MAP3K19: variants seen among roughly 807,000 people sequenced by gnomAD.
The protein encoded by MAP3K19 is SPS1/STE20-related protein kinase YSK4.
In MAP3K19, 91 loss-of-function variants were observed where a neutral mutation model predicts 114.4. That is an observed-to-expected ratio of 0.80 (90% CI 0.67 to 0.95). The LOEUF is 0.95. Ranked by LOEUF, MAP3K19 falls within the 40% of genes least tolerant of loss-of-function variation. MAP3K19 has a pLI of 0.00. For missense variants in MAP3K19, 1,471 were observed against 1,573.2 expected (o/e 0.94, Z 1.10); for synonymous variants, 518 against 530.5 (o/e 0.98, Z 0.32).
At chr2:135,032,243 G>A (rs183894364) in intron 2 of MAP3K19, among the ~76,000 whole-genome samples, 1 of 151,914 alleles carries the variant, frequency 6.6e-6, no homozygotes, top group Non-Finnish European at 1.5e-5. Flanking sequence ...TGTAATCCCA[G>A]CTATTCGGGA....
At chr2:134,988,336 T>C (rs1355349427) in intron 9 of MAP3K19, 83 bp from the exon 10 acceptor site, 5 of 1,152,408 alleles carry the variant, frequency 4.3e-6, no homozygotes, top group Non-Finnish European at 5.9e-6. Context: ...CTAAAGAGAT[T>C]ATAATATCCT....
At chr2:134,998,636 A>G in intron 8 of MAP3K19, 102 bp downstream of exon 8, 1 of 1,245,460 alleles carries the variant, frequency 8.0e-7, no homozygotes. Context: ...ATTTTCTGGT[A>G]TGTTCACTGC....
At chr2:135,018,763 C>T (rs961551301) in intron 5 of MAP3K19, among the ~76,000 whole-genome samples, 1 of 152,056 alleles carries the variant, frequency 6.6e-6, no homozygotes, top group Non-Finnish European at 1.5e-5. Context: ...ATACGTACCT[C>T]GACCTAAACC....
chr2:135,036,245 G>C (rs536790672), intron 2 of MAP3K19, among the ~76,000 whole-genome samples: 4 of 151,838 alleles, frequency 2.6e-5, no homozygotes, highest in South Asian at 2.1e-4. Flanking sequence ...AGGATTTCTT[G>C]ACCACTTTCT....
chr2:134,985,139 C>T (rs1685003500), intron 10 of MAP3K19, among the ~76,000 whole-genome samples: 1 of 152,236 alleles, frequency 6.6e-6, no homozygotes, highest in Admixed American at 6.5e-5. Flanking sequence ...TTCTTCCCCA[C>T]TCCATGCCAA....
rs1476977963 is a variant in MAP3K19, at chr2:135,004,479, T to G, written c.235+956A>C. On this transcript the variant is annotated intron_variant, in intron 6 of 12. Transcript: ENST00000392915. ...CGGAGGAGACGCTACTCGGGAGAGC[T>G]GCAGCCTTCTGAGAGGTGCGAAGGG... is the stretch of plus-strand genomic sequence containing the variant. Among the ~76,000 whole-genome samples, 4 of 152,300 alleles carry G rather than the reference T, an allele frequency of 2.6e-5. No individual in the cohort carries two copies. The South Asian group carries it at 6.2e-4, about 24-fold the overall frequency.
intron 12 of MAP3K19, among the ~76,000 whole-genome samples, chr2:134,966,200 G>T (rs554123323): frequency 6.6e-6 from 1 of 152,200 alleles, no homozygotes; most frequent in Non-Finnish European, 1.5e-5. Flanking sequence ...GAGGATGCAG[G>T]TATCCCTTAG....
chr2:134,987,165 T>C lies in MAP3K19; in HGVS notation c.1707A>G (p.Ile569Met). ...PIKPTMHKTS[I>M]KTQIFPALGL... The stretch of plus-strand genomic sequence containing the variant: ...CCAAAGCCGGGAAAATTTGTGTTTT[T>C]ATGCTGGTTTTATGCATGGTAGGCT... The change falls in exon 10 of 13, where the codon ATA becomes ATG. Residue 569 changes from isoleucine (I) to methionine (M), a missense_variant. Physicochemically the swap from Ile to Met is conservative, Grantham distance 10. Transcript: ENST00000392915. 1 of 1,614,212 alleles carries C rather than the reference T, an allele frequency of 6.2e-7. No homozygotes were observed. The highest frequency in any genetic ancestry group is 2.2e-5 in the East Asian group (1 of 44,890).
intron 8 of MAP3K19, among the ~76,000 whole-genome samples, chr2:134,995,392 G>A (rs1685913080): frequency 6.6e-6 from 1 of 152,144 alleles, no homozygotes; most frequent in Admixed American, 6.5e-5. Flanking sequence ...ACAGCAAGGA[G>A]GCAAGGGAAT....
At position 134,988,317 on chromosome 2, in the gene MAP3K19, T is replaced by C. The variant is rs75424424; in HGVS notation, c.619-64A>G. ...TATATAAATATCACGCTAACTCGTTTAAAGTAGTCTAAAGAGATTATAATA... is the reference window on the plus strand; with the variant it reads ...TATATAAATATCACGCTAACTCGTTCAAAGTAGTCTAAAGAGATTATAATA... On this transcript the variant is annotated intron_variant, in intron 9 of 12. Transcript: ENST00000392915. The C allele has an allele frequency of 8.5e-4, 1,100 of 1,298,788 alleles. 11 individuals carry two copies. The East Asian group carries it at 0.025, about 29-fold the overall frequency. 80.5% of individuals were successfully genotyped at this position (1,298,788 alleles called of 1,614,324 possible).
chr2:135,029,836 TGAG>T (rs1210055859), intron 3 of MAP3K19, among the ~76,000 whole-genome samples: 1 of 152,230 alleles, frequency 6.6e-6, no homozygotes, highest in Non-Finnish European at 1.5e-5. Context: ...ATCAATACCC[TGAG>T]AAGACAGCCC....
Position 134,986,890 on chromosome 2 carries a change from C to G in MAP3K19, c.1982G>C (p.Gly661Ala). Reference sequence around the variant, plus strand: ...AGGGGTCCCAAACATTTCATAGATTCCAGGTCCATTAGCAGTTGAATTGAT... The same window carrying G: ...AGGGGTCCCAAACATTTCATAGATTGCAGGTCCATTAGCAGTTGAATTGAT... ...KEINSTANGP[G>A]IYEMFGTPVY... Residue 661 changes from glycine to alanine, a missense_variant, in exon 10 of 13, where the codon GGA becomes GCA. By Grantham distance (60) the Gly-to-Ala change is moderately conservative. Coordinates refer to ENST00000392915, the MANE Select transcript of MAP3K19 (RefSeq NM_025052.5). 6.2e-7 allele frequency: 1 copy of G among 1,614,142 alleles called. No individual in the cohort carries two copies. Among genetic ancestry groups the G allele is most frequent in the South Asian group, 1.1e-5 (1 of 91,062 alleles).
intron 9 of MAP3K19, among the ~76,000 whole-genome samples, chr2:134,989,508 C>G (rs1685405765): frequency 6.6e-6 from 1 of 152,152 alleles, no homozygotes; most frequent in South Asian, 2.1e-4. Context: ...TCAAAAATGA[C>G]TTAGGACATA....
In MAP3K19 at chr2:134,983,688, T is replaced by C. The variant is rs1290279017; in HGVS notation, c.3210A>G (p.Gly1070=). The C allele has an allele frequency of 1.9e-6, 3 of 1,570,162 alleles. No individual in the cohort carries two copies. The highest frequency in any genetic ancestry group is 1.4e-5 in the African/African-American group (1 of 72,848). Residue 1070 remains glycine (G), a synonymous_variant, in exon 11 of 13, where the codon GGA becomes GGG. Coordinates refer to ENST00000392915, the MANE Select transcript of MAP3K19 (RefSeq NM_025052.5). Reference sequence around the variant, plus strand: ...CAGTTTAACTTACTGTGCCGTAGGCTCCCTTTCCAAGAATCTCACCCTTGG... The same window carrying C: ...CAGTTTAACTTACTGTGCCGTAGGCCCCCTTTCCAAGAATCTCACCCTTGG... ...LWTKGEILGK[G]AYGTVYCGLT...
chr2:134,988,327 T>C, intron 9 of MAP3K19, 74 bp from the exon 10 acceptor site: 1 of 1,258,470 alleles, frequency 7.9e-7, no homozygotes, highest in Admixed American at 2.4e-5. Context: ...TAAAGTAGTC[T>C]AAAGAGATTA....
intron 5 of MAP3K19, among the ~76,000 whole-genome samples, chr2:135,010,159 A>G (rs1262821693): frequency 6.6e-6 from 1 of 152,208 alleles, no homozygotes; most frequent in Non-Finnish European, 1.5e-5. Context: ...ACTCAAACCT[A>G]ATTGATAAGT....
intron 1 of MAP3K19, among the ~76,000 whole-genome samples, chr2:135,045,643 A>G (rs1241718506): frequency 6.6e-6 from 1 of 152,186 alleles, no homozygotes; most frequent in South Asian, 2.1e-4. Flanking sequence ...AATGTTATGG[A>G]GTTGTAATTT....
At chr2:135,046,092 T>G (rs182579755) in intron 1 of MAP3K19, among the ~76,000 whole-genome samples, 45 of 152,220 alleles carry the variant, frequency 3.0e-4, no homozygotes, top group Non-Finnish European at 4.7e-4. Context: ...GCCCCGCTAG[T>G]TATTTTTATG....
chr2:134,966,002 T>A (rs1377829145), intron 12 of MAP3K19, among the ~76,000 whole-genome samples: 3 of 151,580 alleles, frequency 2.0e-5, no homozygotes, highest in Admixed American at 1.3e-4. Flanking sequence ...TGGGCCTGGC[T>A]TATTTTACTT....
Sources: gnomAD v4.1 joint callset for allele counts (sites outside exome capture counted in the v4.1 genomes callset) on GRCh38, gnomAD v4.1.1 for gene constraint, MANE v1.5 for transcripts, NCBI Gene and HGNC (gene_info 2026-07-23, HGNC 2026-07-21) for gene names.